The following BCR variants were observed in gnomAD, a reference collection of about 807,000 sequenced individuals.
BCR encodes breakpoint cluster region protein.
In BCR, 58 loss-of-function variants were observed where a neutral mutation model predicts 138.6. That is an observed-to-expected ratio of 0.42 (90% CI 0.34 to 0.52). The LOEUF is 0.52. Ranked by LOEUF, BCR falls within the 20% of genes least tolerant of loss-of-function variation. The pLI is 0.06. For missense variants in BCR, 1,599 were observed against 1,727.2 expected (o/e 0.93, Z 1.32); for synonymous variants, 786 against 730.1 (o/e 1.08, Z -1.23).
At chr22:23,253,071 G>A (rs2073249643) in intron 1 of BCR, among the ~76,000 whole-genome samples, 1 of 152,164 alleles carries the variant, frequency 6.6e-6, no homozygotes, top group African/African-American at 2.4e-5. Context: ...GAACGGCTCA[G>A]AGAACTCAGG....
chr22:23,198,275 G>A lies in BCR; in HGVS notation c.1279+16036G>A, dbSNP rs999663649. 15 of 448,326 alleles carry A rather than the reference G, an allele frequency of 3.3e-5. 1 individual carries two copies. Among genetic ancestry groups the A allele is most frequent in the Admixed American group, 7.7e-5 (3 of 38,994 alleles). The allele number at this position is 448,326 out of a possible 1,614,324, so 27.8% of individuals were successfully genotyped here. A position where few individuals can be genotyped will look rare whatever the true frequency, so the allele number is the denominator to read the frequency against. ...TCCGAGTGCTCCCCGAGTGTCCACC[G>A]TCGGCCTGCTCTGTTCCGGGGCAGG... is the stretch of plus-strand genomic sequence containing the variant. On this transcript the variant is annotated intron_variant, in intron 1 of 22. Transcript: ENST00000305877.
At chr22:23,313,763 G>A (rs948487233) in intron 20 of BCR, among the ~76,000 whole-genome samples, 4 of 152,120 alleles carry the variant, frequency 2.6e-5, no homozygotes, top group Admixed American at 1.3e-4. Flanking sequence ...TGACCCCTGC[G>A]AGGTAGAGAA....
At chr22:23,302,159 A>C (rs1490464921) in intron 16 of BCR, among the ~76,000 whole-genome samples, 2 of 151,948 alleles carry the variant, frequency 1.3e-5, no homozygotes, top group Non-Finnish European at 2.9e-5. Context: ...CAGGACAGGC[A>C]TTTGAAGAGC....
chr22:23,276,166 G>C (rs9608095), intron 8 of BCR, among the ~76,000 whole-genome samples: 5 of 151,926 alleles, frequency 3.3e-5, no homozygotes, highest in African/African-American at 1.2e-4. Flanking sequence ...TTGGGAGGCC[G>C]AGGCAGGCGG....
chr22:23,203,972 G>A (rs1274963624), intron 1 of BCR, among the ~76,000 whole-genome samples: 2 of 152,140 alleles, frequency 1.3e-5, no homozygotes, highest in South Asian at 4.1e-4. Flanking sequence ...GGGCTGGGAC[G>A]GGAGGACAAA....
At chr22:23,271,448 T>A (rs2073508198) in intron 5 of BCR, 84 bp from the exon 6 acceptor site, 1 of 1,413,848 alleles carries the variant, frequency 7.1e-7, no homozygotes, top group Non-Finnish European at 9.9e-7. Context: ...GAGGGAAAGC[T>A]GAAATTGTTG....
intron 1 of BCR, among the ~76,000 whole-genome samples, chr22:23,216,239 A>G (rs984453786): frequency 6.6e-6 from 1 of 152,186 alleles, no homozygotes; most frequent in Non-Finnish European, 1.5e-5. Flanking sequence ...TTTTAAAATC[A>G]TGCTACAAGG....
rs751264394 is a variant in BCR at position 23,271,570 on chromosome 22, A to C, written c.1899A>C (p.Pro633=). ...RARSNKDAKD[P]TTKNSLETLL... Reference sequence around the variant, plus strand: ...GAAGCAACAAAGATGCCAAGGATCCAACGACCAAGAACTCTCTGGAAAGTG... The same window carrying C: ...GAAGCAACAAAGATGCCAAGGATCCCACGACCAAGAACTCTCTGGAAAGTG... The change falls in exon 6 of 23, where the codon CCA becomes CCC. Residue 633 remains proline (P), a synonymous_variant. Transcript: ENST00000305877. 9 of 1,613,990 alleles carry C rather than the reference A, an allele frequency of 5.6e-6. No individual in the cohort carries two copies. The East Asian group carries it at 1.8e-4, about 32-fold the overall frequency.
chr22:23,263,888 C>T, intron 4 of BCR: 2 of 965,728 alleles, frequency 2.1e-6, no homozygotes, highest in Non-Finnish European at 3.4e-6. Context: ...GGCCATTACT[C>T]AGCTCTTTTG....
At position 23,315,674 on chromosome 22, in the gene BCR, A is replaced by G; in HGVS notation, c.*152A>G. ...AGAGACAGCGACCCAAAGCCGAAGG[A>G]CAGGTGGCCTGGAAAGATCCCGCCC... is the stretch of plus-strand genomic sequence containing the variant. On this transcript the variant is annotated 3_prime_UTR_variant, in exon 23 of 23. Transcript: ENST00000305877. 2 of 789,852 alleles carry G rather than the reference A, an allele frequency of 2.5e-6. No homozygotes were observed. Among genetic ancestry groups the G allele is most frequent in the Non-Finnish European group, 4.3e-6 (2 of 461,562 alleles). The allele number at this position is 789,852 out of a possible 1,614,324, so 48.9% of individuals were successfully genotyped here. A position where few individuals can be genotyped will look rare whatever the true frequency, so the allele number is the denominator to read the frequency against.
intron 8 of BCR, among the ~76,000 whole-genome samples, chr22:23,279,374 C>T (rs887663821): frequency 3.9e-5 from 6 of 152,230 alleles, no homozygotes; most frequent in Non-Finnish European, 7.3e-5. Context: ...ACCTCATTCT[C>T]GGCTGCAGTG....
intron 4 of BCR, among the ~76,000 whole-genome samples, chr22:23,266,281 G>T (rs1355556569): frequency 1.3e-5 from 2 of 151,948 alleles, no homozygotes; most frequent in African/African-American, 4.8e-5. Flanking sequence ...TAGAGACAAG[G>T]TTTCACCATG....
intron 7 of BCR, among the ~76,000 whole-genome samples, chr22:23,273,384 C>T (rs183002139): frequency 6.6e-6 from 1 of 152,320 alleles, no homozygotes; most frequent in African/African-American, 2.4e-5. Flanking sequence ...TGCCCTAGAT[C>T]CTTACAGAGG....
intron 2 of BCR, chr22:23,254,639 A>C (rs2073272561): frequency 1.9e-6 from 1 of 516,504 alleles, no homozygotes; most frequent in Non-Finnish European, 3.9e-6. Flanking sequence ...CCGGCCCTGC[A>C]TGAAGTTCTG....
chr22:23,222,213 A>G lies in BCR; in HGVS notation c.1280-31586A>G, dbSNP rs974499821. Among the ~76,000 whole-genome samples the G allele has an allele frequency of 4.6e-5, 7 of 152,216 alleles. No homozygotes were observed. In the South Asian group the frequency reaches 1.4e-3, roughly 32 times the overall value. On this transcript the variant is annotated intron_variant, in intron 1 of 22. Transcript: ENST00000305877. ...ATGTGCTTTGTTCACTTCTACATCC[A>G]CAGTGCCTAAAACAATGCCAGCACG...
At chr22:23,268,377 G>A in intron 4 of BCR, 31 bp from the exon 5 acceptor site, 2 of 1,549,660 alleles carry the variant, frequency 1.3e-6, no homozygotes, top group Non-Finnish European at 1.8e-6. Context: ...AGCAGCACCT[G>A]TCCCACTCTC....
At chr22:23,270,899 A>G (rs149870416) in intron 5 of BCR, among the ~76,000 whole-genome samples, 1,661 of 152,308 alleles carry the variant, frequency 0.011, 76 homozygotes, top group Admixed American at 0.088. Flanking sequence ...TTAGCACCTC[A>G]TTTTTTAGTA....
chr22:23,245,637 A>C (rs2073148033), intron 1 of BCR, among the ~76,000 whole-genome samples: 1 of 152,066 alleles, frequency 6.6e-6, no homozygotes, highest in Non-Finnish European at 1.5e-5. Flanking sequence ...AAAGTAGAGA[A>C]ACCACCAGAA....
chr22:23,245,619 A>G (rs1473215009), intron 1 of BCR, among the ~76,000 whole-genome samples: 1 of 152,148 alleles, frequency 6.6e-6, no homozygotes, highest in Admixed American at 6.5e-5. Flanking sequence ...AGCCTGGCAG[A>G]GGAGGAGAAA....
Sources: gnomAD v4.1 joint callset for allele counts (sites outside exome capture counted in the v4.1 genomes callset) on GRCh38, gnomAD v4.1.1 for gene constraint, MANE v1.5 for transcripts, NCBI Gene and HGNC (gene_info 2026-07-23, HGNC 2026-07-21) for gene names.